ANK2: variants seen among roughly 807,000 people sequenced by gnomAD.
ANK2 encodes the protein ankyrin 2, also known as ankyrin-2.
Under a neutral mutation model 360.5 loss-of-function variants are expected in ANK2, and 83 were observed. The observed-to-expected ratio is 0.23, with a 90% confidence interval of 0.19 to 0.28. The LOEUF (loss-of-function observed/expected upper bound fraction) is 0.28. Among genes scored for constraint, ANK2 ranks in the 10% least tolerant of loss-of-function variants. The probability of loss-of-function intolerance (pLI) is 1.00; values close to 1 mark genes in which losing one functional copy is unlikely to be tolerated. For synonymous variants in ANK2, 1,740 were observed against 1,759.5 expected (o/e 0.99, Z 0.28); for missense variants, 4,201 against 4,795.7 (o/e 0.88, Z 3.66).
intron 1 of ANK2, among the ~76,000 whole-genome samples, chr4:112,841,953 TAGA>T (rs1365949269): frequency 1.3e-5 from 2 of 152,154 alleles, no homozygotes; most frequent in Non-Finnish European, 2.9e-5. Flanking sequence ...ACAAATCCAA[TAGA>T]AGAAGACGTC....
chr4:113,168,994 T>C (rs1228425848), intron 1 of ANK2, among the ~76,000 whole-genome samples: 1 of 152,214 alleles, frequency 6.6e-6, no homozygotes, highest in Non-Finnish European at 1.5e-5. Flanking sequence ...TTAAGTACTC[T>C]GGTGTAGCTT....
chr4:112,778,334 G>A, the ANK2 span, among the ~76,000 whole-genome samples: 3 of 151,638 alleles, frequency 2.0e-5, no homozygotes, highest in African/African-American at 7.3e-5. Flanking sequence ...ACCACGCCTG[G>A]CCAATTTTTG....
chr4:113,145,936 A>G, intron 1 of ANK2: 1 of 1,289,866 alleles, frequency 7.8e-7, no homozygotes, highest in Non-Finnish European at 1.0e-6. Context: ...GGAAACATGC[A>G]GGAACTGGAT....
intron 4 of ANK2, among the ~76,000 whole-genome samples, chr4:113,224,168 T>C (rs1320559898): frequency 6.6e-6 from 1 of 152,194 alleles, no homozygotes; most frequent in Non-Finnish European, 1.5e-5. Context: ...TACTCAGATG[T>C]CCTCCATTCA....
At chr4:113,067,031 AT>A (rs2075873916) in intron 1 of ANK2, among the ~76,000 whole-genome samples, 1 of 152,018 alleles carries the variant, frequency 6.6e-6, no homozygotes, top group Non-Finnish European at 1.5e-5. Flanking sequence ...GGCTGGAGGC[AT>A]TGGCAGGTGT....
the ANK2 span, among the ~76,000 whole-genome samples, chr4:112,755,591 T>G: frequency 6.6e-6 from 1 of 151,802 alleles, no homozygotes; most frequent in Admixed American, 6.6e-5. Flanking sequence ...TTCTTAAGGG[T>G]GGGGGAGATT....
intron 1 of ANK2, among the ~76,000 whole-genome samples, chr4:113,143,027 G>A (rs544642789): frequency 1.3e-4 from 19 of 151,710 alleles, no homozygotes; most frequent in African/African-American, 4.3e-4. Context: ...AGACGTTTAG[G>A]TCAGTGTAGT....
intron 2 of ANK2, among the ~76,000 whole-genome samples, chr4:112,969,837 T>C (rs1582196761): frequency 6.6e-6 from 1 of 152,216 alleles, no homozygotes; most frequent in South Asian, 2.1e-4. Context: ...TTTTCTCATA[T>C]GTAAGCTGAG....
chr4:112,765,065 G>A, the ANK2 span, among the ~76,000 whole-genome samples: 1 of 152,154 alleles, frequency 6.6e-6, no homozygotes, highest in South Asian at 2.1e-4. Context: ...AACAATGTAT[G>A]AAGTAATTGT....
At chr4:113,283,163 A>G (rs925188044) in intron 18 of ANK2, among the ~76,000 whole-genome samples, 2 of 152,164 alleles carry the variant, frequency 1.3e-5, no homozygotes, top group Non-Finnish European at 2.9e-5. Context: ...TGTGTGTCTA[A>G]AGAGGCTACC....
intron 13 of ANK2, among the ~76,000 whole-genome samples, chr4:113,262,392 A>AATTT (rs1361288094): frequency 4.7e-4 from 71 of 152,044 alleles, no homozygotes; most frequent in African/African-American, 1.1e-3. Flanking sequence ...ATGCCTGGCT[A>AATTT]ATTTATTTAT....
chr4:112,830,398 C>A (rs2059452760), intron 1 of ANK2, among the ~76,000 whole-genome samples: 1 of 152,120 alleles, frequency 6.6e-6, no homozygotes. Context: ...AACACAGTAA[C>A]AGGAAACAAA....
chr4:112,845,133 T>C (rs2062999896), intron 1 of ANK2, among the ~76,000 whole-genome samples: 2 of 152,174 alleles, frequency 1.3e-5, no homozygotes, highest in Admixed American at 1.3e-4. Flanking sequence ...GCAAAACACT[T>C]ATCAAAACTT....
the ANK2 span, among the ~76,000 whole-genome samples, chr4:112,762,492 T>C: frequency 1.3e-5 from 2 of 152,198 alleles, no homozygotes; most frequent in African/African-American, 4.8e-5. Context: ...TAAAGGCATG[T>C]GAATGCTTTT....
At chr4:112,862,082 G>GTA (rs2068281489) in intron 1 of ANK2, among the ~76,000 whole-genome samples, 1 of 152,154 alleles carries the variant, frequency 6.6e-6, no homozygotes, top group African/African-American at 2.4e-5. Context: ...GAAGATAGTA[G>GTA]TACCTCTAGG....
intron 23 of ANK2, among the ~76,000 whole-genome samples, chr4:113,308,793 A>G (rs1213021077): frequency 2.6e-5 from 4 of 152,200 alleles, no homozygotes; most frequent in Non-Finnish European, 4.4e-5. Flanking sequence ...TGTTTTATCC[A>G]TGGAAGGGGA....
intron 1 of ANK2, among the ~76,000 whole-genome samples, chr4:112,883,866 AT>A (rs1560941101): frequency 7.0e-6 from 1 of 142,174 alleles, no homozygotes; most frequent in Non-Finnish European, 1.5e-5. Context: ...ATTCATATAT[AT>A]ATGTATATAT....
intron 35 of ANK2, 99 bp downstream of exon 35, chr4:113,346,121 T>C: frequency 1.4e-6 from 2 of 1,420,034 alleles, no homozygotes; most frequent in Non-Finnish European, 2.0e-6. Flanking sequence ...AAACAGCAAT[T>C]GCTTTTGCAC....
chr4:112,958,326 CT>C, intron 2 of ANK2, among the ~76,000 whole-genome samples: 2 of 152,348 alleles, frequency 1.3e-5, no homozygotes, highest in East Asian at 3.9e-4. Context: ...GTGAACCAGA[CT>C]CCATCTGCAA....
Sources: gnomAD v4.1 joint callset for allele counts (sites outside exome capture counted in the v4.1 genomes callset) on GRCh38, gnomAD v4.1.1 for gene constraint, MANE v1.5 for transcripts, NCBI Gene and HGNC (gene_info 2026-07-23, HGNC 2026-07-21) for gene names.